Variants in FSTL5 observed in about 807,000 individuals in gnomAD.
FSTL5 encodes the protein follistatin-related protein 5.
Under a neutral mutation model 89.1 loss-of-function variants are expected in FSTL5, and 62 were observed. The observed-to-expected ratio is 0.70, with a 90% CI of 0.57 to 0.86. The LOEUF (loss-of-function observed/expected upper bound fraction) is 0.86. Among genes scored for constraint, FSTL5 ranks in the 40% least tolerant of loss-of-function variants. The pLI is 0.00. For synonymous variants in FSTL5, 383 were observed against 346.2 expected (o/e 1.11, Z -1.18); for missense variants, 1,057 against 1,001.6 (o/e 1.06, Z -0.75).
At chr4:161,768,370 G>T (rs1741090472) in intron 5 of FSTL5, among the ~76,000 whole-genome samples, 1 of 151,984 alleles carries the variant, frequency 6.6e-6, no homozygotes, top group African/African-American at 2.4e-5. Context: ...GATATATTTG[G>T]TTATACAAAT....
intron 4 of FSTL5, among the ~76,000 whole-genome samples, chr4:161,782,493 G>A (rs908652529): frequency 1.3e-5 from 2 of 152,124 alleles, no homozygotes; most frequent in Non-Finnish European, 2.9e-5. Context: ...TAGTTCATAA[G>A]TGATTATATT....
chr4:161,935,259 A>C (rs114385279), intron 3 of FSTL5, among the ~76,000 whole-genome samples: 1,587 of 152,194 alleles, frequency 0.01, 10 homozygotes, highest in Non-Finnish European at 0.018. Context: ...ACCTTTGGAC[A>C]CTAGTAATTC....
intron 6 of FSTL5, among the ~76,000 whole-genome samples, chr4:161,698,285 G>A (rs11731443): frequency 0.62 from 94,762 of 151,976 alleles, 32,173 homozygotes; most frequent in East Asian, 0.88. Context: ...TTGTTGTTTA[G>A]GCCTAAAACA....
At chr4:161,770,626 G>T (rs1000799141) in intron 5 of FSTL5, among the ~76,000 whole-genome samples, 1 of 151,918 alleles carries the variant, frequency 6.6e-6, no homozygotes, top group African/African-American at 2.4e-5. Context: ...CATCACATAT[G>T]TATGTCCTCT....
intron 3 of FSTL5, among the ~76,000 whole-genome samples, chr4:162,015,153 A>C (rs1736881523): frequency 6.6e-6 from 1 of 152,240 alleles, no homozygotes; most frequent in Non-Finnish European, 1.5e-5. Context: ...AGTGTACCAC[A>C]GTAAGGCAGT....
intron 7 of FSTL5, among the ~76,000 whole-genome samples, chr4:161,620,195 G>A (rs549380743): frequency 8.5e-6 from 1 of 117,328 alleles, no homozygotes; most frequent in African/African-American, 3.3e-5. Flanking sequence ...GTTGTGGGGT[G>A]GGGGGAGGGG....
At chr4:161,917,953 T>C (rs1436846778) in intron 4 of FSTL5, among the ~76,000 whole-genome samples, 1 of 152,146 alleles carries the variant, frequency 6.6e-6, no homozygotes, top group African/African-American at 2.4e-5. Context: ...AAGTAGCAAA[T>C]ATATTTTCCA....
chr4:161,734,423 T>C (rs531726115), intron 6 of FSTL5, among the ~76,000 whole-genome samples: 1 of 152,334 alleles, frequency 6.6e-6, no homozygotes, highest in East Asian at 1.9e-4. Context: ...TAATCAAGTT[T>C]CACTGGCTGA....
intron 7 of FSTL5, among the ~76,000 whole-genome samples, chr4:161,643,473 T>G (rs1013929373): frequency 1.7e-5 from 2 of 118,190 alleles, no homozygotes; most frequent in Admixed American, 8.6e-5. Context: ...GTAACGGAGT[T>G]TTTTTTTTTT....
At chr4:161,392,467 C>T (rs1177613160) in intron 15 of FSTL5, among the ~76,000 whole-genome samples, 2 of 152,094 alleles carry the variant, frequency 1.3e-5, no homozygotes, top group African/African-American at 4.8e-5. Context: ...TCCAAGGATC[C>T]TCCCACCTTG....
chr4:162,155,442 T>G (rs7700195), intron 1 of FSTL5, among the ~76,000 whole-genome samples: 115,575 of 152,092 alleles, frequency 0.76, 44,302 homozygotes, highest in Non-Finnish European at 0.81. Flanking sequence ...GAGGTCCTGA[T>G]CAGAGGAGCC....
chr4:162,082,950 A>G (rs1349290374), intron 2 of FSTL5, among the ~76,000 whole-genome samples: 1 of 151,662 alleles, frequency 6.6e-6, no homozygotes, highest in East Asian at 1.9e-4. Flanking sequence ...AAAGTAAATC[A>G]ATATCAAATA....
At chr4:161,886,665 C>A (rs565098213) in intron 4 of FSTL5, among the ~76,000 whole-genome samples, 1 of 152,256 alleles carries the variant, frequency 6.6e-6, no homozygotes, top group African/African-American at 2.4e-5. Context: ...ATCATCATTA[C>A]CTTTATCTGT....
intron 1 of FSTL5, among the ~76,000 whole-genome samples, chr4:162,158,378 C>G (rs978036957): frequency 3.3e-5 from 5 of 151,912 alleles, no homozygotes; most frequent in African/African-American, 1.2e-4. Flanking sequence ...GAGGGAAAAC[C>G]CCTTAAGGTC....
At chr4:161,588,212 G>T (rs1299849228) in intron 7 of FSTL5, among the ~76,000 whole-genome samples, 1 of 151,914 alleles carries the variant, frequency 6.6e-6, no homozygotes, top group Non-Finnish European at 1.5e-5. Context: ...AATAAAAAAA[G>T]ATTAGCATAG....
chr4:161,804,450 T>A (rs1729896228), intron 4 of FSTL5, among the ~76,000 whole-genome samples: 1 of 152,000 alleles, frequency 6.6e-6, no homozygotes, highest in Non-Finnish European at 1.5e-5. Flanking sequence ...CAAATTCCAG[T>A]TAAACACTGA....
intron 4 of FSTL5, among the ~76,000 whole-genome samples, chr4:161,784,677 G>A (rs573228036): frequency 3.3e-5 from 5 of 151,894 alleles, no homozygotes; most frequent in Non-Finnish European, 7.4e-5. Context: ...GGTGGATCAC[G>A]AAGTCAGGAG....
chr4:162,132,669 T>A (rs17042016), intron 1 of FSTL5, among the ~76,000 whole-genome samples: 35,344 of 152,090 alleles, frequency 0.23, 4,298 homozygotes, highest in Non-Finnish European at 0.25. Flanking sequence ...CAAACTATCT[T>A]TGCTTCTTGA....
chr4:162,097,158 T>C (rs1302737718), intron 2 of FSTL5, among the ~76,000 whole-genome samples: 5 of 151,864 alleles, frequency 3.3e-5, no homozygotes, highest in African/African-American at 7.2e-5. Flanking sequence ...CTCAGAGAAA[T>C]GAGTTATAGG....
Sources: allele counts gnomAD v4.1 joint callset (sites outside exome capture counted in the v4.1 genomes callset), GRCh38; gene constraint gnomAD v4.1.1; transcripts MANE v1.5; gene names NCBI Gene and HGNC (gene_info 2026-07-23, HGNC 2026-07-21).